KCTD8: variants seen among roughly 807,000 people sequenced by gnomAD.
The protein encoded by KCTD8 is potassium channel tetramerization domain containing 8.
Under a neutral mutation model 31.5 loss-of-function variants are expected in KCTD8, and 27 were observed. The observed-to-expected ratio is 0.86, with a 90% confidence interval of 0.63 to 1.18. The LOEUF (loss-of-function observed/expected upper bound fraction) is 1.18, where lower values mean the gene tolerates loss of function less well. KCTD8 is among the 50% of genes most tolerant of loss of function. KCTD8 has a pLI of 0.00. For missense variants in KCTD8, 658 were observed against 647.7 expected (o/e 1.02, Z -0.17); for synonymous variants, 290 against 280.0 (o/e 1.04, Z -0.36).
At chr4:44,181,739 G>A (rs886732101) in intron 1 of KCTD8, among the ~76,000 whole-genome samples, 9 of 151,522 alleles carry the variant, frequency 5.9e-5, no homozygotes, top group South Asian at 2.1e-4. Context: ...CCCTCTGCCC[G>A]GCTGCCCAGT....
At position 44,415,687 on chromosome 4, in the gene KCTD8, C is replaced by A. The variant is rs115122372; in HGVS notation, c.961+31876G>T. ...CTCTGGATAGTTCAAGCTGCCATATCCTTGGCAGTTTCTACTCGGTGTTAA... is the reference window on the plus strand; with the variant it reads ...CTCTGGATAGTTCAAGCTGCCATATACTTGGCAGTTTCTACTCGGTGTTAA... On this transcript the variant is annotated intron_variant, in intron 1 of 1. Transcript: ENST00000360029. Among the ~76,000 whole-genome samples, 717 of 152,280 alleles carry A rather than the reference C, an allele frequency of 4.7e-3. 4 individuals carry two copies. The highest frequency in any genetic ancestry group is 0.017 in the African/African-American group (686 of 41,558).
chr4:44,359,609 T>C (rs925876053), intron 1 of KCTD8, among the ~76,000 whole-genome samples: 3 of 152,170 alleles, frequency 2.0e-5, no homozygotes, highest in Non-Finnish European at 4.4e-5. Flanking sequence ...TTGTTTTATA[T>C]AAATGTTATT....
intron 1 of KCTD8, among the ~76,000 whole-genome samples, chr4:44,269,420 C>G (rs961759945): frequency 3.3e-4 from 50 of 151,262 alleles, no homozygotes; most frequent in African/African-American, 1.2e-3. Context: ...AATGTTAGAC[C>G]TAAAACCATA....
chr4:44,189,793 A>T lies in KCTD8; in HGVS notation c.962-14543T>A, dbSNP rs188731824. ...TAAACTTCAAAAAAATCATGTCAAA[A>T]AATAACTTCATTATTCTTTTTCTCT... On this transcript the variant is annotated intron_variant, in intron 1 of 1. Transcript: ENST00000360029. Among the ~76,000 whole-genome samples the T allele has an allele frequency of 5.3e-5, 8 of 152,288 alleles. No homozygotes were observed. The East Asian group carries it at 1.5e-3, about 29-fold the overall frequency.
chr4:44,234,442 A>C (rs1301144970), intron 1 of KCTD8, among the ~76,000 whole-genome samples: 7 of 152,230 alleles, frequency 4.6e-5, no homozygotes, highest in Non-Finnish European at 7.3e-5. Context: ...GTTCATTGAC[A>C]GATAAGTATC....
At chr4:44,328,252 AAAAC>A (rs1212928636) in intron 1 of KCTD8, among the ~76,000 whole-genome samples, 2 of 152,008 alleles carry the variant, frequency 1.3e-5, no homozygotes, top group East Asian at 1.9e-4. Context: ...ACTTGAATGA[AAAAC>A]AAACAGAAAG....
At chr4:44,266,048 C>T (rs1199363298) in intron 1 of KCTD8, among the ~76,000 whole-genome samples, 2 of 152,020 alleles carry the variant, frequency 1.3e-5, no homozygotes, top group African/African-American at 4.8e-5. Context: ...GAGAACGCCA[C>T]CAAGATACTC....
chr4:44,301,418 G>A (rs1020724118), intron 1 of KCTD8, among the ~76,000 whole-genome samples: 12 of 152,252 alleles, frequency 7.9e-5, no homozygotes, highest in African/African-American at 2.2e-4. Flanking sequence ...TCTAACTGGC[G>A]TGAGATGTTA....
At chr4:44,196,228 TAGAG>T (rs1366282425) in intron 1 of KCTD8, among the ~76,000 whole-genome samples, 1 of 152,194 alleles carries the variant, frequency 6.6e-6, no homozygotes, top group Non-Finnish European at 1.5e-5. Context: ...AAGAGAAAGA[TAGAG>T]AAATCCATAG....
In KCTD8 at chr4:44,286,189, T is replaced by C. The variant is rs548191967; in HGVS notation, c.962-110939A>G. 2.6e-5 allele frequency among the ~76,000 whole-genome samples: 4 copies of C among 152,266 alleles called. No homozygotes were observed. In the South Asian group the frequency reaches 8.3e-4, roughly 32 times the overall value. ...TGGTAACTGTAGGGAGTTTCATGACTTTAAATACCGAGTATATTTCAACAA... is the reference window on the plus strand; with the variant it reads ...TGGTAACTGTAGGGAGTTTCATGACCTTAAATACCGAGTATATTTCAACAA... On this transcript the variant is annotated intron_variant, in intron 1 of 1. Coordinates refer to ENST00000360029, the MANE Select transcript of KCTD8 (RefSeq NM_198353.3).
chr4:44,260,971 A>G (rs574708789), intron 1 of KCTD8, among the ~76,000 whole-genome samples: 2 of 152,122 alleles, frequency 1.3e-5, no homozygotes, highest in African/African-American at 4.8e-5. Flanking sequence ...AAAGATGTAA[A>G]AGATGAAAGT....
At chr4:44,176,855 G>A (rs1713229909) in intron 1 of KCTD8, among the ~76,000 whole-genome samples, 1 of 64,830 alleles carries the variant, frequency 1.5e-5, no homozygotes, top group Non-Finnish European at 2.9e-5. Flanking sequence ...AAGTATATAT[G>A]TCTACATCTA....
At chr4:44,232,216 AGTCCTGCCTTTCTCTCTCTGCCTCAAATG>A (rs1439634588) in intron 1 of KCTD8, among the ~76,000 whole-genome samples, 1 of 152,282 alleles carries the variant, frequency 6.6e-6, no homozygotes, top group African/African-American at 2.4e-5. Context: ...TTGCTCAAAC[AGTCCTGCCTTTCTCTCTCTGCCTCAAATG>A]GTCCTGCCTC....
At chr4:44,193,772 TTTG>T (rs200356427) in intron 1 of KCTD8, among the ~76,000 whole-genome samples, 5 of 152,016 alleles carry the variant, frequency 3.3e-5, no homozygotes, top group Admixed American at 1.3e-4. Flanking sequence ...TGTAAGGGTT[TTTG>T]TTGTTGTTGT....
At chr4:44,211,717 A>AT (rs201778137) in intron 1 of KCTD8, among the ~76,000 whole-genome samples, 19 of 151,030 alleles carry the variant, frequency 1.3e-4, no homozygotes, top group Non-Finnish European at 1.6e-4. Flanking sequence ...AGATAAAGCC[A>AT]TTTTTTTTTA....
At chr4:44,270,668 T>G (rs769535682) in intron 1 of KCTD8, among the ~76,000 whole-genome samples, 15 of 152,130 alleles carry the variant, frequency 9.9e-5, no homozygotes, top group Non-Finnish European at 1.6e-4. Flanking sequence ...ATATAGGTGA[T>G]GTATTCCATA....
At chr4:44,238,637 T>G (rs769865377) in intron 1 of KCTD8, among the ~76,000 whole-genome samples, 6 of 152,176 alleles carry the variant, frequency 3.9e-5, no homozygotes, top group Non-Finnish European at 8.8e-5. Context: ...TTAGTGTAAC[T>G]CAAGAAAATA....
chr4:44,307,903 A>T (rs1717848616), intron 1 of KCTD8, among the ~76,000 whole-genome samples: 1 of 152,034 alleles, frequency 6.6e-6, no homozygotes. Context: ...TTCAATGTAT[A>T]ACATTTTAAA....
At chr4:44,283,066 T>G (rs929256874) in intron 1 of KCTD8, among the ~76,000 whole-genome samples, 1 of 126,162 alleles carries the variant, frequency 7.9e-6, no homozygotes, top group African/African-American at 2.6e-5. Context: ...TTATTATTAT[T>G]ATTATTATTG....
Sources: allele counts gnomAD v4.1 joint callset (sites outside exome capture counted in the v4.1 genomes callset), GRCh38; gene constraint gnomAD v4.1.1; transcripts MANE v1.5; gene names NCBI Gene and HGNC (gene_info 2026-07-23, HGNC 2026-07-21).